Variants in MX2 observed in about 807,000 individuals in gnomAD.
MX2 encodes interferon-induced GTP-binding protein Mx2.
A neutral mutation model predicts 74.0 loss-of-function variants in MX2; 51 were observed. The ratio of observed to expected loss-of-function variants is 0.69; its 90% CI spans 0.55 to 0.87. The LOEUF (loss-of-function observed/expected upper bound fraction) is 0.87. Among genes scored for constraint, MX2 ranks in the 40% least tolerant of loss-of-function variants. The probability of loss-of-function intolerance (pLI) is 0.00; values close to 1 mark genes in which losing one functional copy is unlikely to be tolerated. For synonymous variants in MX2, 369 were observed against 339.3 expected, an observed-to-expected ratio of 1.09 and a Z score of -0.96; for missense variants, 832 against 908.7, an observed-to-expected ratio of 0.92 and a Z score of 1.09.
At chr21:41,371,596 C>G (rs117722107) in intron 1 of MX2, among the ~76,000 whole-genome samples, 1 of 152,138 alleles carries the variant, frequency 6.6e-6, no homozygotes, top group African/African-American at 2.4e-5. Flanking sequence ...AGAGCCAGGC[C>G]TTGCTGGAGT....
chr21:41,396,681 C>A (rs1254805853), intron 7 of MX2, among the ~76,000 whole-genome samples: 3 of 152,146 alleles, frequency 2.0e-5, no homozygotes. Context: ...TAAACACCAC[C>A]CGGTTCCTTC....
At chr21:41,378,926 T>C (rs560871098) in intron 3 of MX2, among the ~76,000 whole-genome samples, 1 of 152,146 alleles carries the variant, frequency 6.6e-6, no homozygotes, top group African/African-American at 2.4e-5. Flanking sequence ...CCAACCAGAA[T>C]GCTGGGGTGG....
chr21:41,395,489 C>A (rs1443500246), intron 6 of MX2, 98 bp from the exon 7 acceptor site: 3 of 1,066,418 alleles, frequency 2.8e-6, no homozygotes, highest in Non-Finnish European at 4.2e-6. Context: ...CTGCAGAAGA[C>A]CTTGTTGGCC....
At position 41,377,312 on chromosome 21, in the gene MX2, A is replaced by G. The variant is rs564296031; in HGVS notation, c.249+157A>G. ...CTGGTCATGCCCAACAAGTACCAGG[A>G]ACATACATAGACTCTCCTGCAGCAA... On this transcript the variant is annotated intron_variant, in intron 2 of 13. Coordinates refer to ENST00000330714, the MANE Select transcript of MX2 (RefSeq NM_002463.2). Among the ~76,000 whole-genome samples the G allele has an allele frequency of 5.4e-4, 83 of 152,346 alleles. 1 individual carries two copies. Among genetic ancestry groups the G allele is most frequent in the Non-Finnish European group, 1.8e-4 (12 of 68,032 alleles).
chr21:41,407,040 G>T, intron 13 of MX2, 42 bp downstream of exon 13: 1 of 1,592,698 alleles, frequency 6.3e-7, no homozygotes, highest in Non-Finnish European at 8.6e-7. Flanking sequence ...TCTGAAATTT[G>T]CAGAGCTGAG....
chr21:41,365,847 T>C (rs1308530604), intron 1 of MX2: 1 of 152,290 alleles, frequency 6.6e-6, no homozygotes, highest in Non-Finnish European at 1.5e-5. Flanking sequence ...CCACCAGCAG[T>C]GCAGAAGTGT....
chr21:41,399,532 G>A, intron 10 of MX2, 195 bp downstream of exon 10: 1 of 534,908 alleles, frequency 1.9e-6, no homozygotes, highest in Non-Finnish European at 3.3e-6. Context: ...TCAACACAGG[G>A]CAATTCCACT....
chr21:41,372,404 T>C (rs1464919839), intron 1 of MX2, among the ~76,000 whole-genome samples: 1 of 152,266 alleles, frequency 6.6e-6, no homozygotes, highest in Non-Finnish European at 1.5e-5. Context: ...TTGCCAATAT[T>C]ACTTGTCAGA....
chr21:41,395,918 T>C, intron 7 of MX2, 133 bp downstream of exon 7: 1 of 832,352 alleles, frequency 1.2e-6, no homozygotes, highest in Non-Finnish European at 1.9e-6. Flanking sequence ...ACCTGATTTT[T>C]GTGCTAGATT....
At position 41,379,778 on chromosome 21, in the gene MX2, C is replaced by CGGA. The variant is rs1425254488; in HGVS notation, c.443-237_443-235dup. ...GCTATAGCCACTTGCTCATGTCCAT[C>CGGA]GGAGCTCAGGGTGCTTACTCCGGCA... On this transcript the variant is annotated intron_variant, in intron 3 of 13. Coordinates refer to ENST00000330714, the MANE Select transcript of MX2 (RefSeq NM_002463.2). 1.3e-5 allele frequency among the ~76,000 whole-genome samples: 2 copies of CGGA among 152,216 alleles called. 1 individual carries two copies. The highest frequency in any genetic ancestry group is 4.1e-4 in the South Asian group (2 of 4,832).
At chr21:41,393,836 T>C (rs1223713585) in intron 6 of MX2, among the ~76,000 whole-genome samples, 2 of 152,140 alleles carry the variant, frequency 1.3e-5, no homozygotes, top group African/African-American at 2.4e-5. Context: ...TCGTACTCCA[T>C]CCTGATTCAC....
In MX2 at chr21:41,368,831, C is replaced by T. The variant is rs1208887848; in HGVS notation, c.-72+6776C>T. On this transcript the variant is annotated intron_variant, in intron 1 of 13. Transcript: ENST00000330714. This position sits in a 1 kb window ranked among gnomAD's most constrained non-coding sequence, Gnocchi z 4.6. ...GTTCCTGGACCCCTGACTTCGTCAC[C>T]AAGGGCAGCTGGCTCCAGCTCTCAG... Among the ~76,000 whole-genome samples, 1 of 152,218 alleles carries T rather than the reference C, an allele frequency of 6.6e-6. No individual in the cohort carries two copies. Among genetic ancestry groups the T allele is most frequent in the African/African-American group, 2.4e-5 (1 of 41,450 alleles).
chr21:41,375,866 G>A (rs2089394647), intron 1 of MX2, among the ~76,000 whole-genome samples: 1 of 152,220 alleles, frequency 6.6e-6, no homozygotes, highest in Non-Finnish European at 1.5e-5. Context: ...GTGATCCAGA[G>A]TGTGGGGGGC....
intron 6 of MX2, among the ~76,000 whole-genome samples, chr21:41,393,110 C>CAAAAAGAAAAAAA (rs2089683039): frequency 1.7e-5 from 1 of 60,086 alleles, no homozygotes; most frequent in African/African-American, 5.0e-5. Flanking sequence ...CTCAAAAAAG[C>CAAAAAGAAAAAAA]AAAAAAAAAA....
At chr21:41,399,060 C>T (rs189483180) in intron 9 of MX2, 41 bp downstream of exon 9, 6 of 1,599,256 alleles carry the variant, frequency 3.8e-6, no homozygotes, top group Admixed American at 3.4e-5. Context: ...CTGCATCCTT[C>T]CCTGGTGGCC....
intron 6 of MX2, among the ~76,000 whole-genome samples, chr21:41,392,704 T>A (rs7281949): frequency 0.044 from 6,686 of 152,198 alleles, 404 homozygotes; most frequent in East Asian, 0.14. Flanking sequence ...AAATTTTTTT[T>A]AAAAAAACAA....
chr21:41,409,034 G>A lies in MX2; in HGVS notation c.*801G>A, dbSNP rs1416956963. ...GAGCCCAGGAGTTCAAGACCAGACT[G>A]GGCAACACAGGGAGACCCTGTCTCT... On this transcript the variant is annotated 3_prime_UTR_variant, in exon 14 of 14. Coordinates refer to ENST00000330714, the MANE Select transcript of MX2 (RefSeq NM_002463.2). 1 of 152,268 alleles carries A rather than the reference G, an allele frequency of 6.6e-6. No individual in the cohort carries two copies. The highest frequency in any genetic ancestry group is 2.4e-5 in the African/African-American group (1 of 41,452). 9.4% of individuals were successfully genotyped at this position (152,268 alleles called of 1,614,324 possible).
chr21:41,376,938 G>C lies in MX2; in HGVS notation c.32G>C (p.Arg11Pro), dbSNP rs370702183. 6.2e-7 allele frequency: 1 copy of C among 1,613,844 alleles called. No individual in the cohort carries two copies. The highest frequency in any genetic ancestry group is 8.5e-7 in the Non-Finnish European group (1 of 1,180,018). The change falls in exon 2 of 14, where the codon CGG (arginine) becomes CCG (proline). Residue 11 changes from arginine (R) to proline (P), a missense_variant. Transcript: ENST00000330714. MSKAHKPWPYRRRSQFSSRKY... is the reference protein window; with the variant it reads MSKAHKPWPYPRRSQFSSRKY... ...AAGGCCCACAAGCCTTGGCCCTACC[G>C]GAGGAGAAGTCAATTTTCTTCTCGA...
At position 41,408,574 on chromosome 21, in the gene MX2, T is replaced by A. The variant is rs1292473989; in HGVS notation, c.*341T>A. The A allele has an allele frequency of 3.9e-6, 1 of 256,788 alleles. No individual in the cohort carries two copies. Among genetic ancestry groups the A allele is most frequent in the Non-Finnish European group, 7.4e-6 (1 of 134,298 alleles). 15.9% of individuals were successfully genotyped at this position (256,788 alleles called of 1,614,324 possible). The stretch of plus-strand genomic sequence containing the variant: ...ATTATGAGACCCCAGAGGGGGAAGG[T>A]CTGGGTCAAATTCTTCTTTTGTATG... On this transcript the variant is annotated 3_prime_UTR_variant, in exon 14 of 14. Transcript: ENST00000330714.
Sources: allele counts gnomAD v4.1 joint callset (sites outside exome capture counted in the v4.1 genomes callset), GRCh38; gene constraint gnomAD v4.1.1; non-coding constraint Gnocchi (gnomAD v3.1); transcripts MANE v1.5; gene names NCBI Gene and HGNC (gene_info 2026-07-23, HGNC 2026-07-21).